Variants in RASGRP3 observed in about 807,000 individuals in gnomAD.
RASGRP3 encodes ras guanyl-releasing protein 3.
Under a neutral mutation model 82.7 loss-of-function variants are expected in RASGRP3, and 54 were observed. The ratio of observed to expected loss-of-function variants is 0.65; its 90% CI spans 0.52 to 0.82. RASGRP3 has a LOEUF of 0.82. RASGRP3 is among the 40% of genes least tolerant of loss of function. The pLI is 0.00. For synonymous variants in RASGRP3, 309 were observed against 300.5 expected (o/e 1.03, Z -0.29); for missense variants, 861 against 828.9 (o/e 1.04, Z -0.48).
Position 33,488,226 on chromosome 2 carries a change from A to G in RASGRP3, c.-261+11519A>G, listed in dbSNP as rs533941285. Among the ~76,000 whole-genome samples, 20 of 152,368 alleles carry G rather than the reference A, an allele frequency of 1.3e-4. No homozygotes were observed. The South Asian group carries it at 3.7e-3, about 28-fold the overall frequency. On this transcript the variant is annotated intron_variant, in intron 1 of 17. Transcript: ENST00000403687. ...TAACTATCAAGTATTGTCCTGGCAA[A>G]GCACGTTTCTCTCAATAAGTGTTAA... is the stretch of plus-strand genomic sequence containing the variant.
chr2:33,499,818 T>A (rs532418000), intron 1 of RASGRP3, among the ~76,000 whole-genome samples: 2 of 151,666 alleles, frequency 1.3e-5, no homozygotes, highest in Admixed American at 6.6e-5. Context: ...GAAACCAATT[T>A]GAAGTGTACA....
At chr2:33,470,904 C>G (rs1400994551) in intron 2 of RASGRP3, among the ~76,000 whole-genome samples, 1 of 152,086 alleles carries the variant, frequency 6.6e-6, no homozygotes, top group Non-Finnish European at 1.5e-5. Flanking sequence ...ACTTTTGTCT[C>G]CATTTTTCTC....
intron 2 of RASGRP3, among the ~76,000 whole-genome samples, chr2:33,460,667 G>A (rs1009247243): frequency 2.6e-5 from 4 of 151,720 alleles, no homozygotes; most frequent in African/African-American, 7.3e-5. Context: ...GGCACAAGCC[G>A]CCATGCCCGG....
chr2:33,547,342 C>CTTTTTTTTTTTTTTTTTTTTTTTTTTTTT (rs59601670), intron 13 of RASGRP3, among the ~76,000 whole-genome samples: 4 of 68,210 alleles, frequency 5.9e-5, no homozygotes, highest in African/African-American at 1.7e-4. Flanking sequence ...ATATAGAATC[C>CTTTTTTTTTTTTTTTTTTTTTTTTTTTTT]TTTTTTTTTT....
intron 2 of RASGRP3, among the ~76,000 whole-genome samples, chr2:33,462,118 A>G (rs1666402642): frequency 1.3e-5 from 2 of 152,230 alleles, no homozygotes; most frequent in South Asian, 2.1e-4. Context: ...TAACATGGCT[A>G]TTTTATAATT....
chr2:33,455,778 T>C (rs1444841181), intron 2 of RASGRP3, among the ~76,000 whole-genome samples: 1 of 152,146 alleles, frequency 6.6e-6, no homozygotes, highest in Admixed American at 6.5e-5. Flanking sequence ...CCTGGTTTAG[T>C]TCAAATTCCT....
chr2:33,503,426 G>C lies in RASGRP3; in HGVS notation c.-260-8284G>C, dbSNP rs377537104. Among the ~76,000 whole-genome samples, 3 of 152,286 alleles carry C rather than the reference G, an allele frequency of 2.0e-5. No individual in the cohort carries two copies. In the East Asian group the frequency reaches 5.8e-4, roughly 29 times the overall value. ...GTCTTAGATGGGAGGAAGACATATC[G>C]TTGGCTCTTGAGATTTGTTTTTCTT... is the stretch of plus-strand genomic sequence containing the variant. On this transcript the variant is annotated intron_variant, in intron 1 of 17. Transcript: ENST00000403687.
intron 1 of RASGRP3, among the ~76,000 whole-genome samples, chr2:33,505,464 G>C (rs976549156): frequency 3.3e-5 from 5 of 151,874 alleles, no homozygotes; most frequent in Non-Finnish European, 5.9e-5. Context: ...CACCACTCCC[G>C]GCTAATTTTG....
chr2:33,446,586 A>T (rs2150878671), intron 1 of RASGRP3, among the ~76,000 whole-genome samples: 1 of 152,150 alleles, frequency 6.6e-6, no homozygotes, highest in Non-Finnish European at 1.5e-5. Context: ...AATGGTTAGA[A>T]TTAAATATGC....
At chr2:33,528,890 A>G (rs1402802269) in intron 10 of RASGRP3, among the ~76,000 whole-genome samples, 1 of 152,222 alleles carries the variant, frequency 6.6e-6, no homozygotes, top group African/African-American at 2.4e-5. Flanking sequence ...GCATTTATTA[A>G]TGATTTGCCA....
At chr2:33,547,338 A>T (rs1222510158) in intron 13 of RASGRP3, among the ~76,000 whole-genome samples, 1 of 83,106 alleles carries the variant, frequency 1.2e-5, no homozygotes, top group African/African-American at 4.7e-5. Context: ...GAGAATATAG[A>T]ATCCTTTTTT....
At chr2:33,554,805 C>G (rs1675758821) in intron 14 of RASGRP3, among the ~76,000 whole-genome samples, 1 of 152,120 alleles carries the variant, frequency 6.6e-6, no homozygotes. Flanking sequence ...TAGAAGGAGT[C>G]TGTCTGGAGA....
intron 11 of RASGRP3, among the ~76,000 whole-genome samples, chr2:33,536,488 C>G (rs531590503): frequency 6.6e-6 from 1 of 152,104 alleles, no homozygotes; most frequent in South Asian, 2.1e-4. Flanking sequence ...TCAGGGACAA[C>G]TTAGGAATAG....
Position 33,457,544 on chromosome 2 carries a change from C to T in RASGRP3, c.-261+9601C>T, listed in dbSNP as rs540466630. On this transcript the variant is annotated intron_variant, in intron 2 of 18. Coordinates refer to the RASGRP3 transcript ENST00000402538. Reference sequence around the variant, plus strand: ...ATGCATTAAGATTGTTTTGATGAATCGCCTCTTTTTTTTAGGTTCCTTCCT... The same window carrying T: ...ATGCATTAAGATTGTTTTGATGAATTGCCTCTTTTTTTTAGGTTCCTTCCT... 9.9e-5 allele frequency among the ~76,000 whole-genome samples: 15 copies of T among 151,830 alleles called. 1 individual carries two copies. The Middle Eastern group carries it at 0.014, about 138-fold the overall frequency.
intron 1 of RASGRP3, among the ~76,000 whole-genome samples, chr2:33,441,340 T>C (rs1665215990): frequency 6.6e-6 from 1 of 152,106 alleles, no homozygotes; most frequent in Non-Finnish European, 1.5e-5. Flanking sequence ...ACATATAAAT[T>C]AGATCGTGCA....
chr2:33,539,317 C>T (rs530281068), intron 12 of RASGRP3, 107 bp downstream of exon 12: 4 of 910,106 alleles, frequency 4.4e-6, no homozygotes, highest in Non-Finnish European at 6.8e-6. Flanking sequence ...AAACAACCCT[C>T]TGGCAGGTAG....
At chr2:33,514,520 A>AC (rs1481453962) in intron 2 of RASGRP3, among the ~76,000 whole-genome samples, 2 of 149,668 alleles carry the variant, frequency 1.3e-5, no homozygotes, top group African/African-American at 2.5e-5. Context: ...AAAAAAAAAA[A>AC]AAAAAAACCC....
chr2:33,467,215 A>C (rs1164195988), intron 2 of RASGRP3, among the ~76,000 whole-genome samples: 1 of 152,136 alleles, frequency 6.6e-6, no homozygotes, highest in Non-Finnish European at 1.5e-5. Flanking sequence ...GAACACCGGC[A>C]CTATATTTTT....
Position 33,558,965 on chromosome 2 carries a change from G to A in RASGRP3, c.1999G>A (p.Val667Ile). ...CAGGGTGCATGCTGGTGTGGATGTT[G>A]TAGACCGGGGCACGGAGTTTGAACT... ...KPRVHAGVDVVDRGTEFELDQ... is the reference protein window; with the variant it reads ...KPRVHAGVDVIDRGTEFELDQ... The change falls in exon 17 of 18, where the codon GTA becomes ATA. Residue 667 changes from valine (V) to isoleucine (I), a missense_variant. Val to Ile is a conservative substitution (Grantham distance 29). Coordinates refer to ENST00000403687, the MANE Select transcript of RASGRP3 (RefSeq NM_001139488.2). The A allele has an allele frequency of 6.2e-7, 1 of 1,614,010 alleles. No individual in the cohort carries two copies.
Sources: allele counts gnomAD v4.1 joint callset (sites outside exome capture counted in the v4.1 genomes callset), GRCh38; gene constraint gnomAD v4.1.1; transcripts MANE v1.5; gene names NCBI Gene and HGNC (gene_info 2026-07-23, HGNC 2026-07-21).